TTN: variants seen among roughly 807,000 people sequenced by gnomAD.
TTN encodes connectin.
Under a neutral mutation model 3,223.0 loss-of-function variants are expected in TTN, and 1,525 were observed. The observed-to-expected ratio is 0.47, with a 90% CI of 0.45 to 0.49. The LOEUF is 0.49. Ranked by LOEUF, TTN falls within the 20% of genes least tolerant of loss-of-function variation. TTN has a pLI of 0.00. For missense variants in TTN, 40,786 were observed against 43,424.0 expected (o/e 0.94, Z 5.40); for synonymous variants, 14,094 against 15,161.0 (o/e 0.93, Z 5.17).
chr2:178,649,639 G>C lies in TTN; in HGVS notation c.39896-8C>G, dbSNP rs746345740. ...TCTTTGGCATCTCAGGTTCTTTAAA[G>C]ATATCAGTAGCATTTAATAATACAA... On this transcript the variant is annotated splice_region_variant and splice_polypyrimidine_tract_variant and intron_variant, in intron 211 of 362. Coordinates refer to ENST00000589042, the MANE Select transcript of TTN (RefSeq NM_001267550.2). The C allele has an allele frequency of 6.4e-7, 1 of 1,550,602 alleles. No homozygotes were observed. The highest frequency in any genetic ancestry group is 1.2e-5 in the South Asian group (1 of 84,114).
chr2:178,722,605 A>G, intron 76 of TTN, 54 bp downstream of exon 76: 1 of 1,591,320 alleles, frequency 6.3e-7, no homozygotes. Flanking sequence ...GTTCACCATA[A>G]AGATACAAGA....
intron 68 of TTN, 61 bp downstream of exon 68, chr2:178,727,524 C>T: frequency 6.6e-7 from 1 of 1,518,224 alleles, no homozygotes; most frequent in Non-Finnish European, 8.8e-7. Context: ...GACATTGTAA[C>T]TGAATACAGA....
chr2:178,531,702 G>A lies in TTN; in HGVS notation c.104913C>T (p.Ala34971=), dbSNP rs780680405. 8 of 1,613,794 alleles carry A rather than the reference G, an allele frequency of 5.0e-6. No homozygotes were observed. The highest frequency in any genetic ancestry group is 1.3e-5 in the African/African-American group (1 of 74,892). Residue 34971 remains alanine, a synonymous_variant, in exon 358 of 363, where the codon GCC becomes GCT. Transcript: ENST00000589042. ...FILNVQSKPT[A]EVKWYHNGVE... ...CACCATTGTGGTACCATTTAACCTCGGCAGTTGGCTTAGACTGAACATTTA... is the reference window on the plus strand; with the variant it reads ...CACCATTGTGGTACCATTTAACCTCAGCAGTTGGCTTAGACTGAACATTTA...
intron 326 of TTN, 58 bp from the exon 327 acceptor site, chr2:178,558,695 C>T (rs1321446854): frequency 1.3e-6 from 2 of 1,524,496 alleles, no homozygotes; most frequent in East Asian, 2.3e-5. Flanking sequence ...TTTAAATGTG[C>T]ACTCTTCATG....
chr2:178,732,736 G>C lies in TTN; in HGVS notation c.16343-18C>G, dbSNP rs2080774815. The C allele has an allele frequency of 6.4e-7, 1 of 1,566,228 alleles. No individual in the cohort carries two copies. Among genetic ancestry groups the C allele is most frequent in the East Asian group, 2.3e-5 (1 of 44,236 alleles). ...GGGTGGTTCTGAAGAAGGGGTATAA[G>C]AAAGAATTTCAAAGAGTTAAGAGGG... On this transcript the variant is annotated intron_variant, in intron 55 of 362. Transcript: ENST00000589042.
At position 178,537,397 on chromosome 2, in the gene TTN, G is replaced by T. The variant is rs564536939; in HGVS notation, c.99810C>A (p.Val33270=). 3 of 1,606,892 alleles carry T rather than the reference G, an allele frequency of 1.9e-6. No homozygotes were observed. The East Asian group carries it at 6.7e-5, about 36-fold the overall frequency. ...CTGTTCCAAAAACATTGCTGAGCTG[G>T]ACTTTGTATTTCCCAGCATGAGTCT... The part of the protein sequence containing the change: ...QRKTHAGKYK[V]QLSNVFGTVD... The change falls in exon 355 of 363, where the codon GTC becomes GTA. Residue 33270 remains valine, a synonymous_variant. Transcript: ENST00000589042.
At position 178,553,008 on chromosome 2, in the gene TTN, T is replaced by A. The variant is rs1057523342; in HGVS notation, c.89892A>T (p.Pro29964=). 3.1e-6 allele frequency: 5 copies of A among 1,611,654 alleles called. No homozygotes were observed. Among genetic ancestry groups the A allele is most frequent in the Non-Finnish European group, 3.4e-6 (4 of 1,179,766 alleles). Residue 29964 remains proline, a synonymous_variant, in exon 335 of 363, where the codon CCA becomes CCT. Transcript: ENST00000589042. ...TCTTTTCAATGACATAATTAATTAT[T>A]GGAGATCCTCCATCAATGAGAGGAG... is the stretch of plus-strand genomic sequence containing the variant. ...WDPPLIDGGS[P]IINYVIEKRD...
In TTN at chr2:178,592,863, G is replaced by C; in HGVS notation, c.59256C>G (p.Thr19752=). ...TGACTGCTAACACTCTAAACTTATA[G>C]GTTTGACCGTCCCGAAGACCGGTGA... The part of the protein sequence containing the change: ...YKVTGLRDGQ[T]YKFRVLAVNA... The change falls in exon 300 of 363, where the codon ACC becomes ACG. Residue 19752 remains threonine (T), a synonymous_variant. Coordinates refer to ENST00000589042, the MANE Select transcript of TTN (RefSeq NM_001267550.2). The C allele has an allele frequency of 6.2e-7, 1 of 1,613,464 alleles. No individual in the cohort carries two copies. Among genetic ancestry groups the C allele is most frequent in the Non-Finnish European group, 8.5e-7 (1 of 1,179,602 alleles).
At position 178,698,916 on chromosome 2, in the gene TTN, T is replaced by TATAAAAAAAAAA; in HGVS notation, c.30683-3_30683-2insTTTTTTTTTTAT. ...CTTTCTTCACAGCCTTTTTGGTAACTAAAAAAAAAAAAAAAGAAAAAAAAA... is the reference window on the plus strand; with the variant it reads ...CTTTCTTCACAGCCTTTTTGGTAACTATAAAAAAAAAAAAAAAAAAAAAAAAAGAAAAAAAAA... On this transcript the variant is annotated splice_polypyrimidine_tract_variant and splice_region_variant and intron_variant, in intron 111 of 362. Coordinates refer to ENST00000589042, the MANE Select transcript of TTN (RefSeq NM_001267550.2). 7.6e-7 allele frequency: 1 copy of TATAAAAAAAAAA among 1,313,996 alleles called. No homozygotes were observed. Among genetic ancestry groups the TATAAAAAAAAAA allele is most frequent in the Non-Finnish European group, 9.8e-7 (1 of 1,020,732 alleles). The allele number at this position is 1,313,996 out of a possible 1,614,324, so 81.4% of individuals were successfully genotyped here.
At chr2:178,757,176 T>TTGCTTTAAG in intron 45 of TTN, among the ~76,000 whole-genome samples, 3 of 151,666 alleles carry the variant, frequency 2.0e-5, no homozygotes, top group South Asian at 2.1e-4. Flanking sequence ...AATACTGTAC[T>TTGCTTTAAG]TACTTTAAGT....
Position 178,616,646 on chromosome 2 carries a change from C to G in TTN, c.48161-16G>C. The G allele has an allele frequency of 6.2e-7, 1 of 1,612,076 alleles. No individual in the cohort carries two copies. Among genetic ancestry groups the G allele is most frequent in the Non-Finnish European group, 8.5e-7 (1 of 1,178,888 alleles). On this transcript the variant is annotated splice_polypyrimidine_tract_variant and intron_variant, in intron 256 of 362. Transcript: ENST00000589042. Reference sequence around the variant, plus strand: ...CTTGGGCGAGCTGAAAAAAAATGCACTCACGAGTCACTGTTAATAGTCTGA... The same window carrying G: ...CTTGGGCGAGCTGAAAAAAAATGCAGTCACGAGTCACTGTTAATAGTCTGA...
chr2:178,571,992 T>C lies in TTN; in HGVS notation c.74140A>G (p.Ile24714Val), dbSNP rs767007536. ...AACAGGAGTTTGAAGGCTGGTGGAATGACAAGATCTTTGGCGATCACTGGC... is the reference window on the plus strand; with the variant it reads ...AACAGGAGTTTGAAGGCTGGTGGAACGACAAGATCTTTGGCGATCACTGGC... ...SVPVIAKDLVIPPAFKLLFNT... is the reference protein window; with the variant it reads ...SVPVIAKDLVVPPAFKLLFNT... The change falls in exon 326 of 363, where the codon ATT becomes GTT. Residue 24714 changes from isoleucine (I) to valine (V), a missense_variant. By Grantham distance (29) the Ile-to-Val change is conservative. Transcript: ENST00000589042. 2 of 1,613,154 alleles carry C rather than the reference T, an allele frequency of 1.2e-6. No individual in the cohort carries two copies. The highest frequency in any genetic ancestry group is 1.3e-5 in the African/African-American group (1 of 74,878).
intron 164 of TTN, 99 bp downstream of exon 164, chr2:178,665,609 A>G (rs1285706660): frequency 1.6e-6 from 2 of 1,228,138 alleles, no homozygotes; most frequent in Non-Finnish European, 2.2e-6. Context: ...GAGGAACCAC[A>G]TATTAATTGT....
rs1328042296 is a variant in TTN, at chr2:178,557,255, C to T, written c.88007G>A (p.Cys29336Tyr). 3 of 1,613,698 alleles carry T rather than the reference C, an allele frequency of 1.9e-6. No individual in the cohort carries two copies. The highest frequency in any genetic ancestry group is 1.7e-6 in the Non-Finnish European group (2 of 1,179,844). Residue 29336 changes from cysteine to tyrosine, a missense_variant and splice_region_variant, in exon 329 of 363, where the codon TGT becomes TAT. Transcript: ENST00000589042. ...CCCTTCCCATGACAAATACGTACCA[C>T]AAGCATCAATTGCCAAGACTGGTTC... ...PSEPVLAIDACEPPRNVRITD... is the reference protein window; with the variant it reads ...PSEPVLAIDAYEPPRNVRITD...
intron 223 of TTN, 103 bp from the exon 224 acceptor site, chr2:178,637,522 G>T (rs924732163): frequency 8.6e-6 from 5 of 583,130 alleles, no homozygotes; most frequent in African/African-American, 5.8e-5. Context: ...AAATATTAAC[G>T]CATAAAGAGA....
chr2:178,748,177 T>G, intron 47 of TTN: 2 of 1,613,192 alleles, frequency 1.2e-6, no homozygotes, highest in South Asian at 1.1e-5. Flanking sequence ...CTTCTATATC[T>G]GCAGATGAGG....
In TTN at chr2:178,569,382, C is replaced by T. The variant is rs1217257725; in HGVS notation, c.76750G>A (p.Glu25584Lys). The T allele has an allele frequency of 2.5e-6, 4 of 1,613,388 alleles. No homozygotes were observed. In the East Asian group the frequency reaches 6.7e-5, roughly 27 times the overall value. ...YDSGKYTLTL[E>K]NSSGTKSAFV... ...GCAGACTTTGTTCCACTGCTGTTTT[C>T]TAATGTAAGCGTATATTTTCCACTA... Residue 25584 changes from glutamate (E) to lysine (K), a missense_variant, in exon 326 of 363, where the codon GAA becomes AAA. Coordinates refer to ENST00000589042, the MANE Select transcript of TTN (RefSeq NM_001267550.2).
Position 178,777,957 on chromosome 2 carries a change from T to C in TTN, c.4227A>G (p.Ser1409=), listed in dbSNP as rs2154346890. The change falls in exon 25 of 363, where the codon TCA becomes TCG. Residue 1409 remains serine (S), a synonymous_variant. Coordinates refer to ENST00000589042, the MANE Select transcript of TTN (RefSeq NM_001267550.2). Reference sequence around the variant, plus strand: ...ACATGCGTATAGGAGACCTGCTCACTGAACGTGGAGAGAGAGATCTGCAAA... The same window carrying C: ...ACATGCGTATAGGAGACCTGCTCACCGAACGTGGAGAGAGAGATCTGCAAA... ...VSRIRSLSPR[S]VSRSPIRMSP... is the part of the protein sequence containing the mutation. 3 of 1,613,874 alleles carry C rather than the reference T, an allele frequency of 1.9e-6. 1 individual carries two copies. The Middle Eastern group carries it at 5.0e-4, about 266-fold the overall frequency.
intron 330 of TTN, chr2:178,556,629 A>G: frequency 1.7e-6 from 1 of 573,960 alleles, no homozygotes; most frequent in Non-Finnish European, 3.0e-6. Flanking sequence ...AGGCCCATAG[A>G]TATCCTGAGG....
Sources: gnomAD v4.1 joint callset for allele counts (sites outside exome capture counted in the v4.1 genomes callset) on GRCh38, gnomAD v4.1.1 for gene constraint, MANE v1.5 for transcripts, NCBI Gene and HGNC (gene_info 2026-07-23, HGNC 2026-07-21) for gene names.